Variants in CEMIP2 observed in about 807,000 individuals in gnomAD.
CEMIP2 encodes the protein cell migration inducing hyaluronidase 2.
CEMIP2 carries 79 observed loss-of-function variants against 146.9 expected under a neutral mutation model. The ratio of observed to expected loss-of-function variants is 0.54; its 90% CI spans 0.45 to 0.65. CEMIP2 has a LOEUF of 0.65. CEMIP2 is among the 30% of genes least tolerant of loss of function. CEMIP2 has a pLI of 0.00. For missense variants in CEMIP2, 1,596 were observed against 1,696.2 expected (o/e 0.94, Z 1.04); for synonymous variants, 601 against 606.3 (o/e 0.99, Z 0.13).
intron 12 of CEMIP2, among the ~76,000 whole-genome samples, chr9:71,720,236 T>A (rs1823194460): frequency 6.6e-6 from 1 of 151,832 alleles, no homozygotes; most frequent in South Asian, 2.1e-4. Context: ...CATCTTTGGA[T>A]TCCTATATTT....
At chr9:71,702,145 A>T (rs1822578676) in intron 18 of CEMIP2, among the ~76,000 whole-genome samples, 1 of 151,850 alleles carries the variant, frequency 6.6e-6, no homozygotes, top group South Asian at 2.1e-4. Context: ...GTAGTCCCAG[A>T]TACCTGGGAG....
Position 71,683,723 on chromosome 9 carries a change from G to A in CEMIP2, c.*1474C>T, listed in dbSNP as rs1259481622. ...GAAAGGTTTATCGGTAGCACTTTGA[G>A]GTAGCATATTTTGTAAAGTCACAGG... On this transcript the variant is annotated 3_prime_UTR_variant, in exon 24 of 24. Transcript: ENST00000377044. The A allele has an allele frequency of 6.6e-6, 1 of 152,480 alleles. No homozygotes were observed. The highest frequency in any genetic ancestry group is 1.5e-5 in the Non-Finnish European group (1 of 68,030). The allele number at this position is 152,480 out of a possible 1,614,324, so 9.4% of individuals were successfully genotyped here.
At chr9:71,692,600 G>A (rs545540831) in intron 21 of CEMIP2, among the ~76,000 whole-genome samples, 6 of 152,002 alleles carry the variant, frequency 3.9e-5, no homozygotes, top group Non-Finnish European at 7.4e-5. Flanking sequence ...AGGGGAACAA[G>A]CATAAACACA....
At chr9:71,725,929 G>C (rs1823371015) in intron 10 of CEMIP2, among the ~76,000 whole-genome samples, 1 of 152,056 alleles carries the variant, frequency 6.6e-6, no homozygotes, top group African/African-American at 2.4e-5. Context: ...TTGCAGGATT[G>C]GACAAAAGAG....
rs1822919272 is a variant in CEMIP2 at position 71,712,000 on chromosome 9, C to T, written c.2769+83G>A. 4 of 1,467,926 alleles carry T rather than the reference C, an allele frequency of 2.7e-6. No homozygotes were observed. In the South Asian group the frequency reaches 3.9e-5, roughly 14 times the overall value. The allele number at this position is 1,467,926 out of a possible 1,614,324, so 90.9% of individuals were successfully genotyped here. ...CCACTCGTACAGACTCGGTGCAAAT[C>T]CTTTGCGTTTTTGTCTTTGGGAATG... On this transcript the variant is annotated intron_variant, in intron 16 of 23. Transcript: ENST00000377044.
Position 71,717,962 on chromosome 9 carries a change from GATA to G in CEMIP2, c.2382_2384del (p.Ile795del). 6.2e-7 allele frequency: 1 copy of G among 1,605,186 alleles called. No individual in the cohort carries two copies. Among genetic ancestry groups the G allele is most frequent in the Non-Finnish European group, 8.5e-7 (1 of 1,176,088 alleles). On this transcript the variant is annotated inframe_deletion, in exon 13 of 24. Coordinates refer to ENST00000377044, the MANE Select transcript of CEMIP2 (RefSeq NM_013390.3). Reference sequence around the variant, plus strand: ...AGAATACCCACGCTGAATTTTGAACGATAATATCTCCTCCTCTGACCCAAGCTC... The same window carrying G: ...AGAATACCCACGCTGAATTTTGAACGATATCTCCTCCTCTGACCCAAGCTC...
chr9:71,745,453 G>A lies in CEMIP2; in HGVS notation c.599C>T (p.Ala200Val), dbSNP rs758933988. Residue 200 changes from alanine (A) to valine (V), a missense_variant, in exon 4 of 24, where the codon GCG becomes GTG. By Grantham distance (64) the Ala-to-Val change is moderately conservative (BLOSUM62 0). Transcript: ENST00000377044. ...GAEKCRYKSKATITLYGKSDE... is the reference protein window; with the variant it reads ...GAEKCRYKSKVTITLYGKSDE... ...TGACTTGCCATACAAGGTAATTGTC[G>A]CTTTGGATTTATAGCGGCATTTTTC... 20 of 1,613,886 alleles carry A rather than the reference G, an allele frequency of 1.2e-5. No individual in the cohort carries two copies. The highest frequency in any genetic ancestry group is 1.6e-4 in the Middle Eastern group (1 of 6,084).
chr9:71,713,433 T>C (rs753685934), intron 15 of CEMIP2, among the ~76,000 whole-genome samples: 55 of 151,980 alleles, frequency 3.6e-4, no homozygotes, highest in Non-Finnish European at 6.8e-4. Context: ...CCTCTTTCTT[T>C]TGATTTTAAA....
chr9:71,744,922 T>C, intron 4 of CEMIP2, 96 bp downstream of exon 4: 2 of 1,343,456 alleles, frequency 1.5e-6, no homozygotes, highest in Non-Finnish European at 2.0e-6. Context: ...TTCTGATGCC[T>C]GAGTCATGCT....
At position 71,722,189 on chromosome 9, in the gene CEMIP2, A is replaced by G. The variant is rs534603953; in HGVS notation, c.2267+238T>C. Among the ~76,000 whole-genome samples the G allele has an allele frequency of 2.8e-4, 43 of 152,312 alleles. No homozygotes were observed. In the South Asian group the frequency reaches 8.5e-3, roughly 30 times the overall value. ...TTCTCTTTCTGCAACTCTCTCTAGC[A>G]TCTATTTATAGCAATGAAAAAGGAG... On this transcript the variant is annotated intron_variant, in intron 12 of 23. Transcript: ENST00000377044.
rs1554684713 is a variant in CEMIP2 at position 71,728,277 on chromosome 9, A to ACGTG, written c.2049+1567_2049+1568insCACG. 1.9e-4 allele frequency among the ~76,000 whole-genome samples: 2 copies of ACGTG among 10,780 alleles called. 1 individual carries two copies. The highest frequency in any genetic ancestry group is 4.9e-4 in the Non-Finnish European group (2 of 4,058). The allele number at this position is 10,780 out of a possible 152,430, so 7.1% of individuals were successfully genotyped here. Reference sequence around the variant, plus strand: ...TATATACACGTATATATATATATATATATGTATATATATATATATATATAC... The same window carrying ACGTG: ...TATATACACGTATATATATATATATACGTGTATGTATATATATATATATATATAC... On this transcript the variant is annotated intron_variant, in intron 10 of 23. Coordinates refer to ENST00000377044, the MANE Select transcript of CEMIP2 (RefSeq NM_013390.3).
intron 10 of CEMIP2, among the ~76,000 whole-genome samples, chr9:71,727,042 C>G (rs1211578338): frequency 6.6e-6 from 1 of 152,166 alleles, no homozygotes; most frequent in Non-Finnish European, 1.5e-5. Context: ...GTTTGATTTA[C>G]TTTGGGAGGA....
At position 71,698,140 on chromosome 9, in the gene CEMIP2, C is replaced by T. The variant is rs1476083033; in HGVS notation, c.3442G>A (p.Gly1148Arg). The T allele has an allele frequency of 6.2e-7, 1 of 1,614,102 alleles. No individual in the cohort carries two copies. The highest frequency in any genetic ancestry group is 8.5e-7 in the Non-Finnish European group (1 of 1,180,024). ...RHGHSYCSSQ[G>R]CERVKIQAAT... ...GCTTGGATCTTGACTCTTTCACATC[C>T]CTGAGATGAACAGTAACTGTGGCCA... The change falls in exon 20 of 24, where the codon GGA becomes AGA. Residue 1148 changes from glycine to arginine, a missense_variant. Gly to Arg is a moderately radical substitution (Grantham distance 125). Transcript: ENST00000377044.
chr9:71,725,784 T>G (rs62547009), intron 10 of CEMIP2, 75 bp from the exon 11 acceptor site: 122,505 of 1,461,824 alleles, frequency 0.084, 6,079 homozygotes, highest in South Asian at 0.19. Flanking sequence ...TAAACTAACT[T>G]CTTCATCAGC....
rs1424476230 is a variant in CEMIP2 at position 71,725,688 on chromosome 9, A to G, written c.2071T>C (p.Phe691Leu). The G allele has an allele frequency of 6.2e-7, 1 of 1,613,678 alleles. No homozygotes were observed. Residue 691 changes from phenylalanine (F) to leucine (L), a missense_variant, in exon 11 of 24, where the codon TTC (phenylalanine) becomes CTC (leucine). Coordinates refer to ENST00000377044, the MANE Select transcript of CEMIP2 (RefSeq NM_013390.3). Reference sequence around the variant, plus strand: ...GATTCCCCAGTTGGTTCCTTGTGGAATAAATACCATATTCCAGCATCCTAC... The same window carrying G: ...GATTCCCCAGTTGGTTCCTTGTGGAGTAAATACCATATTCCAGCATCCTAC... ...GSQDAGIWYL[F>L]HKEPTGESSG...
chr9:71,725,240 A>C (rs1463415627), intron 11 of CEMIP2, among the ~76,000 whole-genome samples: 1 of 152,224 alleles, frequency 6.6e-6, no homozygotes, highest in African/African-American at 2.4e-5. Flanking sequence ...GGTAGAGCCT[A>C]ATGGAAGGTG....
chr9:71,740,239 G>C lies in CEMIP2; in HGVS notation c.1035-7C>G. 1.2e-6 allele frequency: 2 copies of C among 1,611,168 alleles called. No homozygotes were observed. Among genetic ancestry groups the C allele is most frequent in the Non-Finnish European group, 1.7e-6 (2 of 1,179,602 alleles). On this transcript the variant is annotated splice_polypyrimidine_tract_variant and splice_region_variant and intron_variant, in intron 4 of 23. Transcript: ENST00000377044. ...AACTAAAGCCCAAGCTTGCCTAGAA[G>C]GAAAAAGAGCATGTGCATTTGATTA...
rs899822550 is a variant in CEMIP2, at chr9:71,745,164, C to A, written c.888G>T (p.Arg296=). ...CCTGGAATCTCAGAAACTCCTGAAG[C>A]CGCCTGCTCTCATTGCGGTATTCAT... The part of the protein sequence containing the change: ...DTHEYRNESR[R]LQEFLRFQDP... Residue 296 remains arginine (R), a synonymous_variant, in exon 4 of 24, where the codon CGG becomes CGT. Transcript: ENST00000377044. 1 of 1,614,158 alleles carries A rather than the reference C, an allele frequency of 6.2e-7. No individual in the cohort carries two copies. The highest frequency in any genetic ancestry group is 1.3e-5 in the African/African-American group (1 of 75,040).
chr9:71,725,739 G>A (rs1823365210), intron 10 of CEMIP2, 30 bp from the exon 11 acceptor site: 1 of 1,603,980 alleles, frequency 6.2e-7, no homozygotes, highest in South Asian at 1.1e-5. Context: ...CCCATTAAAA[G>A]CCTAATTTAT....
Sources: allele counts gnomAD v4.1 joint callset (sites outside exome capture counted in the v4.1 genomes callset), GRCh38; gene constraint gnomAD v4.1.1; transcripts MANE v1.5; gene names NCBI Gene and HGNC (gene_info 2026-07-23, HGNC 2026-07-21).